Variants in ASXL3 observed in about 807,000 individuals in gnomAD.
ASXL3 encodes the protein putative Polycomb group protein ASXL3.
In ASXL3, 34 loss-of-function variants were observed where a neutral mutation model predicts 170.6. The ratio of observed to expected loss-of-function variants is 0.20; its 90% CI spans 0.15 to 0.27. ASXL3 has a LOEUF of 0.27. Ranked by LOEUF, ASXL3 falls within the 10% of genes least tolerant of loss-of-function variation. The pLI is 1.00. For missense variants in ASXL3, 2,592 were observed against 2,695.3 expected (o/e 0.96, Z 0.85); for synonymous variants, 1,002 against 989.1 (o/e 1.01, Z -0.24).
intron 4 of ASXL3, among the ~76,000 whole-genome samples, chr18:33,656,325 A>G (rs1599454122): frequency 6.6e-6 from 1 of 152,120 alleles, no homozygotes; most frequent in Non-Finnish European, 1.5e-5. Flanking sequence ...GAAGAATGAA[A>G]GGGAGTGTTT....
At chr18:33,617,101 G>A (rs1006016560) in intron 2 of ASXL3, among the ~76,000 whole-genome samples, 2 of 151,998 alleles carry the variant, frequency 1.3e-5, no homozygotes, top group Non-Finnish European at 2.9e-5. Flanking sequence ...ATAACAATAT[G>A]CTTAACACAG....
intron 1 of ASXL3, among the ~76,000 whole-genome samples, chr18:33,603,492 C>T (rs1158881453): frequency 6.6e-6 from 1 of 151,934 alleles, no homozygotes; most frequent in Non-Finnish European, 1.5e-5. Flanking sequence ...ACTATCTTGC[C>T]TCAAAACTGT....
chr18:33,594,544 G>A (rs1283837139), intron 1 of ASXL3, among the ~76,000 whole-genome samples: 2 of 152,084 alleles, frequency 1.3e-5, no homozygotes, highest in Non-Finnish European at 2.9e-5. Context: ...CTATTTCATA[G>A]CAACAAACAT....
intron 8 of ASXL3, among the ~76,000 whole-genome samples, chr18:33,723,874 C>T (rs2067303146): frequency 6.6e-6 from 1 of 152,170 alleles, no homozygotes. Flanking sequence ...CCTGATCAGT[C>T]AGCAGCCATC....
At chr18:33,690,881 C>A (rs1428530085) in intron 8 of ASXL3, among the ~76,000 whole-genome samples, 1 of 152,140 alleles carries the variant, frequency 6.6e-6, no homozygotes, top group African/African-American at 2.4e-5. Context: ...CACTGCACAT[C>A]AGGCTACTCC....
chr18:33,669,891 A>G (rs1241422925), intron 5 of ASXL3, among the ~76,000 whole-genome samples: 1 of 152,176 alleles, frequency 6.6e-6, no homozygotes, highest in Non-Finnish European at 1.5e-5. Context: ...GTATAAAGTG[A>G]TCAGCTAGAT....
chr18:33,687,477 C>A (rs2066614888), intron 8 of ASXL3, among the ~76,000 whole-genome samples: 1 of 152,134 alleles, frequency 6.6e-6, no homozygotes, highest in Admixed American at 6.5e-5. Context: ...ATCTGAAACT[C>A]CTCTCTTTCT....
In ASXL3 at chr18:33,579,817, G is replaced by A. The variant is rs1319335122; in HGVS notation, c.54+1132G>A. ...AAGAAAGCAGACTGCATGCAGCGGG[G>A]GTTTTGGGAGGGGGGAGCAGGACGT... is the stretch of plus-strand genomic sequence containing the variant. On this transcript the variant is annotated intron_variant, in intron 1 of 11. Transcript: ENST00000269197. Among the ~76,000 whole-genome samples the A allele has an allele frequency of 2.6e-5, 4 of 151,992 alleles. No individual in the cohort carries two copies. In the East Asian group the frequency reaches 7.7e-4, roughly 29 times the overall value.
intron 1 of ASXL3, among the ~76,000 whole-genome samples, chr18:33,587,585 G>A (rs1193688264): frequency 2.0e-5 from 3 of 152,000 alleles, no homozygotes; most frequent in Non-Finnish European, 4.4e-5. Flanking sequence ...CTCACATGAA[G>A]TTGTAAAAGT....
chr18:33,606,048 C>T (rs1456162045), intron 1 of ASXL3, among the ~76,000 whole-genome samples: 3 of 151,966 alleles, frequency 2.0e-5, no homozygotes, highest in African/African-American at 7.2e-5. Context: ...CTTCTGTCAG[C>T]TTTTTGTTTT....
chr18:33,588,262 C>T (rs1476914363), intron 1 of ASXL3, among the ~76,000 whole-genome samples: 1 of 151,828 alleles, frequency 6.6e-6, no homozygotes, highest in Non-Finnish European at 1.5e-5. Flanking sequence ...TAATCCTGTA[C>T]ATGATGCAGT....
rs544938908 is a variant in ASXL3, at chr18:33,749,910, C to T, written c.*3315C>T. On this transcript the variant is annotated 3_prime_UTR_variant, in exon 12 of 12. Coordinates refer to ENST00000269197, the MANE Select transcript of ASXL3 (RefSeq NM_030632.3). ...TACATATGGTGCTTTATAATGCAGTCGAGAGTAAGAATACATGTTGCTGTA... is the reference window on the plus strand; with the variant it reads ...TACATATGGTGCTTTATAATGCAGTTGAGAGTAAGAATACATGTTGCTGTA... 10 of 152,308 alleles carry T rather than the reference C, an allele frequency of 6.6e-5. No individual in the cohort carries two copies. The highest frequency in any genetic ancestry group is 5.9e-4 in the Admixed American group (9 of 15,294). 9.4% of individuals were successfully genotyped at this position (152,308 alleles called of 1,614,324 possible).
chr18:33,710,886 G>A (rs1017125823), intron 8 of ASXL3, among the ~76,000 whole-genome samples: 1 of 151,866 alleles, frequency 6.6e-6, no homozygotes, highest in Non-Finnish European at 1.5e-5. Context: ...TTTTGTTTGG[G>A]GGGGAACAAA....
chr18:33,661,744 T>A lies in ASXL3; in HGVS notation c.477+7T>A. 2.5e-6 allele frequency: 4 copies of A among 1,610,964 alleles called. No homozygotes were observed. Among genetic ancestry groups the A allele is most frequent in the Non-Finnish European group, 3.4e-6 (4 of 1,178,726 alleles). ...CAAAAAGGCTCTTAAACAGGTAAGA[T>A]AGCTGCCATTTATTCTTTGTCCTTC... On this transcript the variant is annotated splice_region_variant and intron_variant, in intron 5 of 11. Transcript: ENST00000269197.
intron 2 of ASXL3, among the ~76,000 whole-genome samples, chr18:33,622,487 G>A (rs1156461089): frequency 6.6e-6 from 1 of 152,116 alleles, no homozygotes; most frequent in Non-Finnish European, 1.5e-5. Context: ...AATCTATTCT[G>A]TAAGCTGATG....
intron 8 of ASXL3, among the ~76,000 whole-genome samples, chr18:33,703,688 C>G (rs1205587261): frequency 6.6e-6 from 1 of 151,962 alleles, no homozygotes; most frequent in Non-Finnish European, 1.5e-5. Flanking sequence ...CCTCTCCTCA[C>G]TTTTTGGCCA....
intron 2 of ASXL3, among the ~76,000 whole-genome samples, chr18:33,639,821 C>T (rs1230520077): frequency 1.3e-5 from 2 of 152,034 alleles, no homozygotes; most frequent in Non-Finnish European, 2.9e-5. Context: ...ATATTCATGC[C>T]AACAAGAGAT....
chr18:33,582,149 C>G (rs1451406357), intron 1 of ASXL3, among the ~76,000 whole-genome samples: 1 of 152,186 alleles, frequency 6.6e-6, no homozygotes, highest in East Asian at 1.9e-4. Context: ...GAAGTATCTT[C>G]TGTCTTAATA....
chr18:33,696,170 T>C (rs1265125746), intron 8 of ASXL3, among the ~76,000 whole-genome samples: 2 of 152,066 alleles, frequency 1.3e-5, no homozygotes, highest in Non-Finnish European at 2.9e-5. Flanking sequence ...CTGATTTCAC[T>C]TATGAAGTCA....
Sources: allele counts gnomAD v4.1 joint callset (sites outside exome capture counted in the v4.1 genomes callset), GRCh38; gene constraint gnomAD v4.1.1; transcripts MANE v1.5; gene names NCBI Gene and HGNC (gene_info 2026-07-23, HGNC 2026-07-21).